Variants in SLC41A2 observed in about 807,000 individuals in gnomAD.
SLC41A2 encodes the protein solute carrier family 41 member 2.
A neutral mutation model predicts 58.3 loss-of-function variants in SLC41A2; 32 were observed. The ratio of observed to expected loss-of-function variants is 0.55; its 90% CI spans 0.41 to 0.74. The LOEUF (loss-of-function observed/expected upper bound fraction) is 0.74, where lower values mean the gene tolerates loss of function less well. SLC41A2 is among the 30% of genes least tolerant of loss of function. The probability of loss-of-function intolerance (pLI) is 0.00; values close to 1 mark genes in which losing one functional copy is unlikely to be tolerated. For synonymous variants in SLC41A2, 190 were observed against 235.0 expected (o/e 0.81, Z 1.75); for missense variants, 514 against 680.6 (o/e 0.76, Z 2.72).
chr12:104,807,352 G>A (rs1315765987), intron 10 of SLC41A2, among the ~76,000 whole-genome samples: 2 of 152,118 alleles, frequency 1.3e-5, no homozygotes, highest in African/African-American at 2.4e-5. Flanking sequence ...TTTTTGTCAG[G>A]TTTGTCAAAG....
At chr12:104,956,105 C>A (rs377398165) in intron 1 of SLC41A2, among the ~76,000 whole-genome samples, 7 of 151,944 alleles carry the variant, frequency 4.6e-5, no homozygotes, top group African/African-American at 1.7e-4. Flanking sequence ...TATGAAAATA[C>A]CAATTAAGGG....
At chr12:104,878,303 A>T (rs2044160679) in intron 6 of SLC41A2, among the ~76,000 whole-genome samples, 3 of 20,014 alleles carry the variant, frequency 1.5e-4, no homozygotes, top group East Asian at 6.6e-4. Context: ...TGTATTTTAT[A>T]TATATATATA....
chr12:104,905,257 TG>T (rs916752201), intron 3 of SLC41A2, among the ~76,000 whole-genome samples: 2 of 151,948 alleles, frequency 1.3e-5, no homozygotes, highest in African/African-American at 4.8e-5. Context: ...TGCCAATTGG[TG>T]TATTTACAAT....
intron 10 of SLC41A2, among the ~76,000 whole-genome samples, chr12:104,824,818 G>A (rs775722915): frequency 1.3e-5 from 2 of 152,140 alleles, no homozygotes; most frequent in African/African-American, 4.8e-5. Context: ...CTCCCATCAC[G>A]TGCCCTGAGA....
chr12:104,851,188 A>T (rs969234581), intron 8 of SLC41A2, among the ~76,000 whole-genome samples: 3 of 152,200 alleles, frequency 2.0e-5, no homozygotes, highest in Admixed American at 6.5e-5. Context: ...GTTATTATCA[A>T]TAATAAATTT....
intron 8 of SLC41A2, among the ~76,000 whole-genome samples, chr12:104,859,787 C>T (rs1242734633): frequency 6.6e-6 from 1 of 151,892 alleles, no homozygotes; most frequent in Non-Finnish European, 1.5e-5. Context: ...GGCTGGAGTG[C>T]AGTAGCGTGA....
chr12:104,885,270 T>A (rs1024366056), intron 6 of SLC41A2, among the ~76,000 whole-genome samples: 13 of 152,176 alleles, frequency 8.5e-5, no homozygotes, highest in African/African-American at 3.1e-4. Flanking sequence ...TCTTATTAAA[T>A]ATTGTTTTTA....
chr12:104,919,793 T>C (rs1051187475), intron 2 of SLC41A2, among the ~76,000 whole-genome samples: 1 of 152,260 alleles, frequency 6.6e-6, no homozygotes, highest in Admixed American at 6.5e-5. Context: ...TTCATCCTTT[T>C]AGCATTGTTC....
intron 2 of SLC41A2, among the ~76,000 whole-genome samples, chr12:104,924,206 C>T (rs1313739535): frequency 1.3e-5 from 2 of 152,130 alleles, no homozygotes; most frequent in Non-Finnish European, 2.9e-5. Context: ...TCTATTAAAA[C>T]GACAATGAGG....
At chr12:104,940,521 A>T (rs2047466830) in intron 1 of SLC41A2, among the ~76,000 whole-genome samples, 1 of 96,554 alleles carries the variant, frequency 1.0e-5, no homozygotes, top group South Asian at 2.6e-4. Context: ...ATAAAAAAAT[A>T]AAATATAAGC....
intron 8 of SLC41A2, among the ~76,000 whole-genome samples, chr12:104,846,761 A>G (rs2042614315): frequency 6.6e-6 from 1 of 152,206 alleles, no homozygotes; most frequent in Non-Finnish European, 1.5e-5. Flanking sequence ...GGGTAGCCGG[A>G]GCATGCCCAT....
intron 2 of SLC41A2, among the ~76,000 whole-genome samples, chr12:104,918,332 C>G (rs1356948629): frequency 6.6e-6 from 1 of 151,996 alleles, no homozygotes; most frequent in Non-Finnish European, 1.5e-5. Context: ...CAAAAACACA[C>G]CCATATAATG....
intron 6 of SLC41A2, among the ~76,000 whole-genome samples, chr12:104,878,983 T>C (rs561831724): frequency 6.6e-6 from 1 of 152,348 alleles, no homozygotes; most frequent in South Asian, 2.1e-4. Flanking sequence ...TGTTGTTTCC[T>C]GACTTTTTAA....
At chr12:104,923,206 C>CA (rs1441308579) in intron 2 of SLC41A2, among the ~76,000 whole-genome samples, 1 of 64,322 alleles carries the variant, frequency 1.6e-5, no homozygotes, top group African/African-American at 4.8e-5. Context: ...ACTAAAAGCA[C>CA]AAAAAATTAG....
At chr12:104,883,793 G>A (rs898148961) in intron 6 of SLC41A2, among the ~76,000 whole-genome samples, 9 of 152,054 alleles carry the variant, frequency 5.9e-5, no homozygotes, top group Non-Finnish European at 1.0e-4. Flanking sequence ...CTACTTGGGG[G>A]TCAGGGACCC....
chr12:104,907,864 G>C (rs1368584806), intron 3 of SLC41A2, among the ~76,000 whole-genome samples: 1 of 152,142 alleles, frequency 6.6e-6, no homozygotes, highest in Non-Finnish European at 1.5e-5. Flanking sequence ...ACTAATACCA[G>C]ATATTTCATT....
At chr12:104,813,866 C>T (rs997539165) in intron 10 of SLC41A2, among the ~76,000 whole-genome samples, 6 of 152,236 alleles carry the variant, frequency 3.9e-5, no homozygotes, top group Admixed American at 1.3e-4. Flanking sequence ...GAACTCCTGA[C>T]CTCAGGTGAT....
intron 8 of SLC41A2, among the ~76,000 whole-genome samples, chr12:104,847,245 G>GA (rs796572162): frequency 6.6e-6 from 1 of 151,408 alleles, no homozygotes; most frequent in Admixed American, 6.6e-5. Context: ...TATCAAGGGG[G>GA]AAAAAAATGG....
chr12:104,854,578 A>AT, intron 8 of SLC41A2, among the ~76,000 whole-genome samples: 1 of 151,274 alleles, frequency 6.6e-6, no homozygotes, highest in South Asian at 2.1e-4. Context: ...AACAAAAAAA[A>AT]AAAAACACCG....
Sources: gnomAD v4.1 joint callset for allele counts (sites outside exome capture counted in the v4.1 genomes callset) on GRCh38, gnomAD v4.1.1 for gene constraint, MANE v1.5 for transcripts, NCBI Gene and HGNC (gene_info 2026-07-23, HGNC 2026-07-21) for gene names.